SRSF3: variants seen among roughly 807,000 people sequenced by gnomAD.
The protein encoded by SRSF3 is serine and arginine rich splicing factor 3, also known as serine/arginine-rich splicing factor 3.
For synonymous variants in SRSF3, 87 were observed against 73.6 expected, an observed-to-expected ratio of 1.18 and a Z score of -0.93; for missense variants, 58 against 217.1, an observed-to-expected ratio of 0.27 and a Z score of 4.61.
intron 2 of SRSF3, chr6:36,598,549 A>G (rs538592068): frequency 9.1e-5 from 24 of 262,526 alleles, no homozygotes; most frequent in African/African-American, 1.8e-4. Flanking sequence ...ACACCTGGCT[A>G]TTTTTTGTAT....
intron 1 of SRSF3, among the ~76,000 whole-genome samples, 180 bp from the exon 2 acceptor site, chr6:36,596,581 G>GGGGGGGGGGGT (rs1778633039): frequency 7.0e-6 from 1 of 143,876 alleles, no homozygotes; most frequent in African/African-American, 2.6e-5. Flanking sequence ...TGGCGGGGGG[G>GGGGGGGGGGGT]GGGAAATGGG....
rs538376114 is a variant in SRSF3, at chr6:36,596,974, T to C, written c.206+6T>C. 9 of 1,613,400 alleles carry C rather than the reference T, an allele frequency of 5.6e-6. No homozygotes were observed. Among genetic ancestry groups the C allele is most frequent in the Non-Finnish European group, 7.6e-6 (9 of 1,179,404 alleles). ...GTCCGAGAGCTAGATGGAAGGTGATTTAATGATTACGCTGATAAAAATGTG... is the reference window on the plus strand; with the variant it reads ...GTCCGAGAGCTAGATGGAAGGTGATCTAATGATTACGCTGATAAAAATGTG... On this transcript the variant is annotated splice_donor_region_variant and intron_variant, in intron 2 of 5. Transcript: ENST00000373715.
chr6:36,596,518 C>T (rs186142403), intron 1 of SRSF3, among the ~76,000 whole-genome samples: 42 of 130,030 alleles, frequency 3.2e-4, no homozygotes, highest in African/African-American at 9.7e-4. Flanking sequence ...CTGTTTTTTT[C>T]TTCACTAATT....
intron 1 of SRSF3, 200 bp downstream of exon 1, chr6:36,594,681 G>C (rs1778595403): frequency 1.3e-5 from 2 of 152,282 alleles, no homozygotes; most frequent in Non-Finnish European, 2.9e-5. Flanking sequence ...TTCCTCATTG[G>C]GGCATGAGCC....
At position 36,602,635 on chromosome 6, in the gene SRSF3, T is replaced by G. The variant is rs374785915; in HGVS notation, c.*646T>G. ...TCGTGACATTCTTTATGTGCAAATT[T>G]GTGATTTCAAAAATGTCCTGCCAGT... On this transcript the variant is annotated 3_prime_UTR_variant, in exon 6 of 6. Coordinates refer to ENST00000373715, the MANE Select transcript of SRSF3 (RefSeq NM_003017.5). The G allele has an allele frequency of 4.6e-6, 1 of 216,012 alleles. No homozygotes were observed. Among genetic ancestry groups the G allele is most frequent in the East Asian group, 6.9e-5 (1 of 14,482 alleles). 13.4% of individuals were successfully genotyped at this position (216,012 alleles called of 1,614,324 possible). A position where few individuals can be genotyped will look rare whatever the true frequency, so the allele number is the denominator to read the frequency against.
At position 36,601,882 on chromosome 6, in the gene SRSF3, GTTC is replaced by G. The variant is rs548235204; in HGVS notation, c.468-78_468-76del. The G allele has an allele frequency of 1.5e-3, 2,428 of 1,583,212 alleles. 2 individuals are homozygous for G. The highest frequency in any genetic ancestry group is 1.9e-3 in the Non-Finnish European group (2,218 of 1,168,056). On this transcript the variant is annotated intron_variant, in intron 5 of 5. Transcript: ENST00000373715. The stretch of plus-strand genomic sequence containing the variant: ...TAAGCCATAAATTTTTTACCTTAAA[GTTC>G]TATTTCGATATGTCACTAAAGTGTC...
chr6:36,602,186 C>G lies in SRSF3; in HGVS notation c.*197C>G, dbSNP rs1778729071. On this transcript the variant is annotated 3_prime_UTR_variant, in exon 6 of 6. Coordinates refer to ENST00000373715, the MANE Select transcript of SRSF3 (RefSeq NM_003017.5). The stretch of plus-strand genomic sequence containing the variant: ...ATGGTTTGAAATGGATCATACGAGG[C>G]ATGTAATACCAAGAATTGTTACTTT... 9.6e-7 allele frequency: 1 copy of G among 1,041,506 alleles called. No homozygotes were observed. The highest frequency in any genetic ancestry group is 1.3e-6 in the Non-Finnish European group (1 of 762,300). 64.5% of individuals were successfully genotyped at this position (1,041,506 alleles called of 1,614,324 possible). A position where few individuals can be genotyped will look rare whatever the true frequency, so the allele number is the denominator to read the frequency against.
At chr6:36,597,118 T>C (rs1778643135) in intron 2 of SRSF3, 150 bp downstream of exon 2, 2 of 661,134 alleles carry the variant, frequency 3.0e-6, no homozygotes, top group African/African-American at 3.8e-5. Context: ...TTTTTTTTTT[T>C]GGTGGGGAGA....
intron 1 of SRSF3, among the ~76,000 whole-genome samples, chr6:36,596,525 A>G (rs1778629917): frequency 7.4e-6 from 1 of 134,698 alleles, no homozygotes; most frequent in African/African-American, 2.9e-5. Flanking sequence ...TTTCTTCACT[A>G]ATTGCTGGCT....
rs1778643306 is a variant in SRSF3, at chr6:36,597,120, G to C, written c.206+152G>C. On this transcript the variant is annotated intron_variant, in intron 2 of 5. Transcript: ENST00000373715. The stretch of plus-strand genomic sequence containing the variant: ...ATCTTTTTTTTTTTTTTTTTTTTTG[G>C]TGGGGAGACGAGTCTTGCACTGTCA... 9 of 602,222 alleles carry C rather than the reference G, an allele frequency of 1.5e-5. 1 individual carries two copies. The South Asian group carries it at 1.8e-4, about 12-fold the overall frequency. The allele number at this position is 602,222 out of a possible 1,614,324, so 37.3% of individuals were successfully genotyped here.
intron 3 of SRSF3, chr6:36,600,042 C>T (rs932188956): frequency 4.0e-6 from 5 of 1,239,128 alleles, no homozygotes; most frequent in African/African-American, 1.6e-5. Flanking sequence ...GCAGCCACCT[C>T]GACCGCCCAC....
chr6:36,598,079 AT>A (rs1273293057), intron 2 of SRSF3, among the ~76,000 whole-genome samples: 1 of 152,062 alleles, frequency 6.6e-6, no homozygotes, highest in South Asian at 2.1e-4. Flanking sequence ...TCTTGAACTG[AT>A]TTTTTACTTG....
In SRSF3 at chr6:36,594,469, A is replaced by T. The variant is rs1246815561; in HGVS notation, c.-15A>T. On this transcript the variant is annotated 5_prime_UTR_variant, in exon 1 of 6. Transcript: ENST00000373715. ...TGGATTTGAGCCGCCGCATTTTTTA[A>T]CCCTAGATCTCGGTAAGAGACCAGC... 1.3e-5 allele frequency: 2 copies of T among 152,252 alleles called. No homozygotes were observed. Among genetic ancestry groups the T allele is most frequent in the African/African-American group, 4.8e-5 (2 of 41,384 alleles). 9.4% of individuals were successfully genotyped at this position (152,252 alleles called of 1,614,324 possible).
chr6:36,601,214 A>G (rs1473907231), intron 4 of SRSF3, 24 bp downstream of exon 4: 22 of 1,612,658 alleles, frequency 1.4e-5, no homozygotes, highest in Admixed American at 5.0e-5. Context: ...TTTTTTGGCT[A>G]CGTTCTTAGA....
intron 2 of SRSF3, among the ~76,000 whole-genome samples, chr6:36,597,429 G>C (rs1323456215): frequency 1.3e-5 from 2 of 152,108 alleles, no homozygotes; most frequent in Non-Finnish European, 2.9e-5. Context: ...TTTAAGAGTA[G>C]TTGTGAACTG....
intron 2 of SRSF3, chr6:36,597,280 AT>A (rs1778646311): frequency 3.0e-6 from 1 of 337,058 alleles, no homozygotes; most frequent in Admixed American, 4.7e-5. Context: ...TGATTTTTGT[AT>A]TTCTAGCAGA....
chr6:36,599,685 T>G (rs1171025556), intron 3 of SRSF3: 1 of 692,428 alleles, frequency 1.4e-6, no homozygotes, highest in African/African-American at 1.9e-5. Context: ...TTTGCTATTT[T>G]GAAAAACAAC....
At chr6:36,600,353 G>A in intron 3 of SRSF3, 1 of 887,474 alleles carries the variant, frequency 1.1e-6, no homozygotes, top group Non-Finnish European at 1.4e-6. Flanking sequence ...CTTTTTTCTG[G>A]ATCAAAGGCT....
chr6:36,601,607 A>T (rs917848104), intron 4 of SRSF3, 101 bp from the exon 5 acceptor site: 95 of 1,173,744 alleles, frequency 8.1e-5, no homozygotes, highest in Non-Finnish European at 1.1e-4. Context: ...GCCTCCCAAA[A>T]TATTGGAATT....
Sources: allele counts gnomAD v4.1 joint callset (sites outside exome capture counted in the v4.1 genomes callset), GRCh38; gene constraint gnomAD v4.1.1; transcripts MANE v1.5; gene names NCBI Gene and HGNC (gene_info 2026-07-23, HGNC 2026-07-21).